The following CDK7 variants were observed in gnomAD, a reference collection of about 807,000 sequenced individuals.
CDK7 encodes the protein cyclin dependent kinase 7.
Under a neutral mutation model 49.1 loss-of-function variants are expected in CDK7, and 25 were observed. That is an observed-to-expected ratio of 0.51 (90% confidence interval 0.37 to 0.71). The LOEUF is 0.71. Ranked by LOEUF, CDK7 falls within the 30% of genes least tolerant of loss-of-function variation. CDK7 has a pLI of 0.00. For synonymous variants in CDK7, 107 were observed against 140.0 expected (o/e 0.76, Z 1.67); for missense variants, 316 against 411.7 (o/e 0.77, Z 2.01).
chr5:69,266,989 G>A (rs1751197516), intron 8 of CDK7, among the ~76,000 whole-genome samples: 1 of 152,122 alleles, frequency 6.6e-6, no homozygotes, highest in African/African-American at 2.4e-5. Flanking sequence ...TAAGTCTTTA[G>A]TACTATTTAG....
intron 8 of CDK7, among the ~76,000 whole-genome samples, chr5:69,268,883 C>T (rs1751341922): frequency 6.6e-6 from 1 of 151,258 alleles, no homozygotes; most frequent in Non-Finnish European, 1.5e-5. Context: ...TGGCTCACGC[C>T]TGTAATCCCA....
At chr5:69,248,433 T>C (rs1233080809) in intron 2 of CDK7, among the ~76,000 whole-genome samples, 1 of 151,916 alleles carries the variant, frequency 6.6e-6, no homozygotes, top group Non-Finnish European at 1.5e-5. Flanking sequence ...CAGGCTGGAG[T>C]GTGGAGTGCA....
chr5:69,256,670 G>A (rs962257435), intron 5 of CDK7, among the ~76,000 whole-genome samples: 1 of 152,062 alleles, frequency 6.6e-6, no homozygotes, highest in Non-Finnish European at 1.5e-5. Context: ...CCTAGCAGTG[G>A]TATTGCTAGA....
At chr5:69,241,011 T>C (rs1033423367) in intron 2 of CDK7, among the ~76,000 whole-genome samples, 1 of 152,192 alleles carries the variant, frequency 6.6e-6, no homozygotes, top group Non-Finnish European at 1.5e-5. Context: ...ATAGATTGCC[T>C]CCAAATCTTG....
chr5:69,252,425 T>C lies in CDK7; in HGVS notation c.134T>C (p.Leu45Pro). Residue 45 changes from leucine to proline, a missense_variant, in exon 3 of 12, where the codon CTT becomes CCT. Transcript: ENST00000256443. ...TTTTTCCGTTTCTACCAGATCAAACTTGGACATAGATCAGAAGCTAAAGAT... is the reference window on the plus strand; with the variant it reads ...TTTTTCCGTTTCTACCAGATCAAACCTGGACATAGATCAGAAGCTAAAGAT... ...NQIVAIKKIK[L>P]GHRSEAKDGI... 6.4e-7 allele frequency: 1 copy of C among 1,559,894 alleles called. No individual in the cohort carries two copies.
chr5:69,263,061 A>G (rs890710454), intron 8 of CDK7, among the ~76,000 whole-genome samples: 7 of 152,210 alleles, frequency 4.6e-5, no homozygotes, highest in African/African-American at 1.4e-4. Context: ...AACAGAACAG[A>G]TACAATGTTA....
At chr5:69,271,922 T>C (rs1248475361) in intron 9 of CDK7, among the ~76,000 whole-genome samples, 1 of 149,602 alleles carries the variant, frequency 6.7e-6, no homozygotes, top group African/African-American at 2.5e-5. Context: ...AGGGCAAGGT[T>C]CAGTTTTTGT....
chr5:69,254,037 C>T (rs1451414360), intron 3 of CDK7, among the ~76,000 whole-genome samples: 3 of 152,012 alleles, frequency 2.0e-5, no homozygotes, highest in African/African-American at 7.2e-5. Flanking sequence ...GAGGTGGAGG[C>T]TGCTGTGAGC....
chr5:69,262,687 A>G (rs1216399720), intron 8 of CDK7, among the ~76,000 whole-genome samples: 1 of 151,926 alleles, frequency 6.6e-6, no homozygotes, highest in African/African-American at 2.4e-5. Context: ...AAAAAAAGAA[A>G]AAGAAAAAGA....
chr5:69,260,916 C>T (rs996588368), intron 7 of CDK7, among the ~76,000 whole-genome samples: 1 of 152,120 alleles, frequency 6.6e-6, no homozygotes, highest in Non-Finnish European at 1.5e-5. Flanking sequence ...CTCTTGGGTT[C>T]AAGCAATCGT....
At chr5:69,258,305 TC>T (rs1750611036) in intron 6 of CDK7, 152 bp downstream of exon 6, 1 of 517,296 alleles carries the variant, frequency 1.9e-6, no homozygotes, top group African/African-American at 2.0e-5. Flanking sequence ...CTTCACTTGT[TC>T]CAGCAGTTGG....
intron 2 of CDK7, among the ~76,000 whole-genome samples, chr5:69,238,022 G>A (rs754525351): frequency 2.0e-5 from 3 of 152,060 alleles, no homozygotes; most frequent in African/African-American, 7.2e-5. Flanking sequence ...TTCTACTCCC[G>A]TTCATTTGCT....
At chr5:69,240,135 CCAATTTCTGGGCA>C (rs761461149) in intron 2 of CDK7, among the ~76,000 whole-genome samples, 1 of 152,106 alleles carries the variant, frequency 6.6e-6, no homozygotes, top group Non-Finnish European at 1.5e-5. Flanking sequence ...GAACTTGGGT[CCAATTTCTGGGCA>C]CACTATTCTG....
At chr5:69,236,629 A>C (rs988745966) in intron 2 of CDK7, among the ~76,000 whole-genome samples, 3 of 151,490 alleles carry the variant, frequency 2.0e-5, no homozygotes, top group Non-Finnish European at 2.9e-5. Context: ...TTCCTGCCAT[A>C]ATTTTTTTAT....
chr5:69,275,554 C>G (rs1013666071), intron 10 of CDK7, among the ~76,000 whole-genome samples: 1 of 152,086 alleles, frequency 6.6e-6, no homozygotes, highest in Non-Finnish European at 1.5e-5. Flanking sequence ...CTGAAATGCT[C>G]CAAAATCCAA....
At chr5:69,239,106 T>C (rs574979226) in intron 2 of CDK7, among the ~76,000 whole-genome samples, 1 of 152,218 alleles carries the variant, frequency 6.6e-6, no homozygotes, top group East Asian at 1.9e-4. Flanking sequence ...CTCTAGAGAA[T>C]GTATCTATAA....
intron 4 of CDK7, 24 bp from the exon 5 acceptor site, chr5:69,255,436 C>T (rs1750422811): frequency 2.1e-6 from 3 of 1,438,626 alleles, no homozygotes; most frequent in Admixed American, 2.1e-5. Flanking sequence ...TAGTGAATCA[C>T]ATTTTAATTT....
intron 8 of CDK7, among the ~76,000 whole-genome samples, chr5:69,264,963 T>G (rs1319422430): frequency 7.2e-6 from 1 of 139,842 alleles, no homozygotes; most frequent in Non-Finnish European, 1.5e-5. Context: ...AAATGTGAAA[T>G]TCCGTCTAAA....
chr5:69,253,721 T>C (rs1460587374), intron 3 of CDK7, among the ~76,000 whole-genome samples: 1 of 152,230 alleles, frequency 6.6e-6, no homozygotes, highest in Non-Finnish European at 1.5e-5. Context: ...GTTGTTAGTC[T>C]AGTAGTGGTG....
Sources: gnomAD v4.1 joint callset for allele counts (sites outside exome capture counted in the v4.1 genomes callset) on GRCh38, gnomAD v4.1.1 for gene constraint, MANE v1.5 for transcripts, NCBI Gene and HGNC (gene_info 2026-07-23, HGNC 2026-07-21) for gene names.